UPF1: variants seen among roughly 807,000 people sequenced by gnomAD.
UPF1 encodes regulator of nonsense transcripts 1.
In UPF1, 9 loss-of-function variants were observed where a neutral mutation model predicts 129.2. That is an observed-to-expected ratio of 0.07 (90% CI 0.04 to 0.12). UPF1 has a LOEUF of 0.12. Ranked by LOEUF, UPF1 falls within the 10% of genes least tolerant of loss-of-function variation. The probability of loss-of-function intolerance (pLI) is 1.00; values close to 1 mark genes in which losing one functional copy is unlikely to be tolerated. For synonymous variants in UPF1, 649 were observed against 644.9 expected (o/e 1.01, Z -0.10); for missense variants, 788 against 1,525.3 (o/e 0.52, Z 8.05).
intron 18 of UPF1, chr19:18,863,132 G>C (rs937540056): frequency 7.8e-5 from 23 of 295,870 alleles, no homozygotes; most frequent in African/African-American, 3.9e-4. Flanking sequence ...GTGGGGCCGC[G>C]TGTGCCCCGG....
At chr19:18,857,677 A>G (rs772084181) in intron 15 of UPF1, 144 bp downstream of exon 15, 7 of 947,452 alleles carry the variant, frequency 7.4e-6, no homozygotes, top group Admixed American at 3.0e-5. Flanking sequence ...TTTGTGCCCA[A>G]GGTCTTGATG....
Position 18,865,802 on chromosome 19 carries a change from C to A in UPF1, c.3237+24C>A. 1.9e-6 allele frequency: 3 copies of A among 1,611,374 alleles called. No homozygotes were observed. Among genetic ancestry groups the A allele is most frequent in the Non-Finnish European group, 2.5e-6 (3 of 1,179,770 alleles). On this transcript the variant is annotated intron_variant, in intron 22 of 23. Coordinates refer to ENST00000262803, the MANE Select transcript of UPF1 (RefSeq NM_002911.4). The surrounding 1 kb of genome is among the most constrained non-coding windows in gnomAD (Gnocchi z 6.1). ...AGGTGAGCCCGCCCCTGGGACGGGACTTACCTGAGTGAGGGTGGGGCTATG... is the reference window on the plus strand; with the variant it reads ...AGGTGAGCCCGCCCCTGGGACGGGAATTACCTGAGTGAGGGTGGGGCTATG...
In UPF1 at chr19:18,851,893, G is replaced by A. The variant is rs557744723; in HGVS notation, c.811-242G>A. Among the ~76,000 whole-genome samples the A allele has an allele frequency of 4.6e-5, 7 of 152,370 alleles. No homozygotes were observed. In the South Asian group the frequency reaches 1.2e-3, roughly 27 times the overall value. The stretch of plus-strand genomic sequence containing the variant: ...AAGTACCGGAACCCCGCTGGGGTGC[G>A]GAGCAGCAGCTGAGGCCCAGGCATG... On this transcript the variant is annotated intron_variant, in intron 5 of 23. Coordinates refer to ENST00000262803, the MANE Select transcript of UPF1 (RefSeq NM_002911.4). The surrounding 1 kb of genome is among the most constrained non-coding windows in gnomAD (Gnocchi z 4.2).
At chr19:18,862,262 A>G in intron 18 of UPF1, 110 bp downstream of exon 18, 1 of 1,481,448 alleles carries the variant, frequency 6.8e-7, no homozygotes, top group South Asian at 1.3e-5. Flanking sequence ...GAGGACTCTG[A>G]GCAGCAGTTG....
chr19:18,867,275 C>G lies in UPF1; in HGVS notation c.*758C>G, dbSNP rs1042486983. The G allele has an allele frequency of 6.6e-6, 1 of 152,202 alleles. No homozygotes were observed. Among genetic ancestry groups the G allele is most frequent in the Non-Finnish European group, 1.5e-5 (1 of 68,028 alleles). 9.4% of individuals were successfully genotyped at this position (152,202 alleles called of 1,614,324 possible). A position where few individuals can be genotyped will look rare whatever the true frequency, so the allele number is the denominator to read the frequency against. The stretch of plus-strand genomic sequence containing the variant: ...TTTAGCTTCCAGTGGCTTCTTTCTG[C>G]GGGGCATCAGGCTGCTGGGGTAGCC... On this transcript the variant is annotated 3_prime_UTR_variant, in exon 24 of 24. Coordinates refer to ENST00000262803, the MANE Select transcript of UPF1 (RefSeq NM_002911.4).
At position 18,850,096 on chromosome 19, in the gene UPF1, G is replaced by T. The variant is rs1601109453; in HGVS notation, c.483G>T (p.Val161=). The change falls in exon 4 of 24, where the codon GTG becomes GTT. Residue 161 remains valine (V), a synonymous_variant. Transcript: ENST00000262803. The surrounding 1 kb of genome is among the most constrained non-coding windows in gnomAD (Gnocchi z 7.1). ...TSGSHIVNHL[V]RAKCKEVTLH... is the part of the protein sequence containing the mutation. Reference sequence around the variant, plus strand: ...TCAGCCACATTGTAAATCACCTTGTGAGGGCAAAATGCAAAGAGGTGACCC... The same window carrying T: ...TCAGCCACATTGTAAATCACCTTGTTAGGGCAAAATGCAAAGAGGTGACCC... 6.2e-7 allele frequency: 1 copy of T among 1,614,234 alleles called. No homozygotes were observed. The highest frequency in any genetic ancestry group is 2.2e-5 in the East Asian group (1 of 44,894).
chr19:18,854,959 A>G lies in UPF1; in HGVS notation c.1346A>G (p.Glu449Gly), dbSNP rs1359622256. ...ATCTACCACAAGCTGTTGGGCCACG[A>G]GGTGGAGGACGTAATCATCAAGTGC... The part of the protein sequence containing the change: ...GYIYHKLLGH[E>G]VEDVIIKCQL... The change falls in exon 10 of 24, where the codon GAG becomes GGG. Residue 449 changes from glutamate to glycine, a missense_variant. This residue lies in a region of UPF1 where 227 missense variants were observed against 517.9 expected (regional missense o/e 0.44). Transcript: ENST00000262803. The G allele has an allele frequency of 6.2e-7, 1 of 1,614,208 alleles. No homozygotes were observed.
At chr19:18,846,266 C>A in intron 2 of UPF1, 147 bp downstream of exon 2, 1 of 1,257,528 alleles carries the variant, frequency 8.0e-7, no homozygotes, top group Non-Finnish European at 1.1e-6. Context: ...GGAAATTGCT[C>A]AGGCCATGTG....
chr19:18,861,053 AC>A (rs1442343979), intron 17 of UPF1, 71 bp downstream of exon 17: 15 of 1,482,042 alleles, frequency 1.0e-5, no homozygotes, highest in Admixed American at 4.3e-5. Flanking sequence ...CCTTTAAGTT[AC>A]CCCCCAAGAG....
At chr19:18,855,078 C>T in intron 10 of UPF1, 40 bp downstream of exon 10, 2 of 1,613,160 alleles carry the variant, frequency 1.2e-6, no homozygotes, top group Non-Finnish European at 1.7e-6. Context: ...CGCCCATGGG[C>T]CGGGACGCAA....
chr19:18,854,819 C>G lies in UPF1; in HGVS notation c.1266-60C>G, dbSNP rs1236083644. On this transcript the variant is annotated intron_variant, in intron 9 of 23. Coordinates refer to ENST00000262803, the MANE Select transcript of UPF1 (RefSeq NM_002911.4). ...GGTTCCCCACCCAGCTCTGCAAACT[C>G]AGGATGTCGGAGAGGCGGCCACAGC... The G allele has an allele frequency of 7.5e-6, 12 of 1,608,206 alleles. No homozygotes were observed. In the Admixed American group the frequency reaches 1.2e-4, roughly 16 times the overall value.
At chr19:18,847,612 G>T in intron 2 of UPF1, 132 bp from the exon 3 acceptor site, 2 of 773,120 alleles carry the variant, frequency 2.6e-6, no homozygotes, top group Non-Finnish European at 4.4e-6. Flanking sequence ...TTGGTTACTG[G>T]GATTGTTGGG....
At chr19:18,856,634 G>A (rs1233468894) in intron 13 of UPF1, among the ~76,000 whole-genome samples, 4 of 152,220 alleles carry the variant, frequency 2.6e-5, no homozygotes, top group Non-Finnish European at 4.4e-5. Context: ...GGAGGCTGTC[G>A]TGAGGCGCAG....
rs575459992 is a variant in UPF1, at chr19:18,856,779, G to A, written c.1825-98G>A. The A allele has an allele frequency of 1.1e-4, 155 of 1,472,556 alleles. No homozygotes were observed. In the South Asian group the frequency reaches 1.9e-3, roughly 18 times the overall value. The allele number at this position is 1,472,556 out of a possible 1,614,324, so 91.2% of individuals were successfully genotyped here. ...TGTTTTTTATAGTGTCAGGGAGGGT[G>A]AGAAACAGGAGAGCTTCTGTGTTCT... On this transcript the variant is annotated intron_variant, in intron 13 of 23. Transcript: ENST00000262803.
chr19:18,840,371 A>G (rs1390900361), intron 1 of UPF1, among the ~76,000 whole-genome samples: 1 of 152,206 alleles, frequency 6.6e-6, no homozygotes, highest in East Asian at 1.9e-4. Flanking sequence ...ATCAGGGTCC[A>G]TAATTCCCCA....
intron 1 of UPF1, among the ~76,000 whole-genome samples, chr19:18,841,233 C>T (rs184675812): frequency 1.2e-3 from 185 of 152,322 alleles, no homozygotes; most frequent in East Asian, 9.2e-3. Flanking sequence ...AGGTTTTCTT[C>T]TCCCTGTTTT....
chr19:18,857,307 C>T lies in UPF1; in HGVS notation c.1969-13C>T, dbSNP rs773083414. 6.2e-7 allele frequency: 1 copy of T among 1,604,472 alleles called. No homozygotes were observed. Among genetic ancestry groups the T allele is most frequent in the Non-Finnish European group, 8.5e-7 (1 of 1,176,116 alleles). On this transcript the variant is annotated splice_polypyrimidine_tract_variant and intron_variant, in intron 14 of 23. Transcript: ENST00000262803. ...CTGAGCTTCTTGACTTGTGGGGGCCCCTGTTCCTACAGCTGATCCTTGTAG... is the reference window on the plus strand; with the variant it reads ...CTGAGCTTCTTGACTTGTGGGGGCCTCTGTTCCTACAGCTGATCCTTGTAG...
chr19:18,839,258 A>AT (rs2055515977), intron 1 of UPF1, among the ~76,000 whole-genome samples: 1 of 151,952 alleles, frequency 6.6e-6, no homozygotes, highest in Admixed American at 6.6e-5. Flanking sequence ...TGCCCAACTA[A>AT]TTTTTTTGTA....
intron 13 of UPF1, 38 bp from the exon 14 acceptor site, chr19:18,856,839 C>G: frequency 1.9e-6 from 3 of 1,578,514 alleles, no homozygotes; most frequent in Non-Finnish European, 2.6e-6. Context: ...GTGGCGTTTA[C>G]AGTGCAGGTG....
Sources: allele counts gnomAD v4.1 joint callset (sites outside exome capture counted in the v4.1 genomes callset), GRCh38; gene constraint gnomAD v4.1.1; regional missense constraint gnomAD v4.1.1; non-coding constraint Gnocchi (gnomAD v3.1); transcripts MANE v1.5; gene names NCBI Gene and HGNC (gene_info 2026-07-23, HGNC 2026-07-21).